SLC35D1: variants seen among roughly 807,000 people sequenced by gnomAD.
SLC35D1 encodes nucleotide sugar transporter SLC35D1.
SLC35D1 carries 31 observed loss-of-function variants against 46.7 expected under a neutral mutation model. The observed-to-expected ratio is 0.66, with a 90% CI of 0.50 to 0.90. The LOEUF (loss-of-function observed/expected upper bound fraction) is 0.90, where lower values mean the gene tolerates loss of function less well. SLC35D1 is among the 40% of genes least tolerant of loss of function. The probability of loss-of-function intolerance (pLI) is 0.00; values close to 1 mark genes in which losing one functional copy is unlikely to be tolerated. For synonymous variants in SLC35D1, 195 were observed against 164.6 expected (o/e 1.18, Z -1.41); for missense variants, 397 against 426.2 (o/e 0.93, Z 0.60).
At chr1:67,046,705 T>A (rs1425871721) in intron 7 of SLC35D1, among the ~76,000 whole-genome samples, 2 of 152,218 alleles carry the variant, frequency 1.3e-5, no homozygotes, top group Non-Finnish European at 2.9e-5. Flanking sequence ...TTTCTAATAA[T>A]CTGGCTTGAT....
chr1:67,035,805 CT>C (rs71058492), intron 8 of SLC35D1, among the ~76,000 whole-genome samples: 6,259 of 133,328 alleles, frequency 0.047, 181 homozygotes, highest in African/African-American at 0.098. Context: ...TGAAGTTTTT[CT>C]TTTTTTTTTT....
rs763302374 is a variant in SLC35D1 at position 67,050,521 on chromosome 1, T to A, written c.393-17A>T. On this transcript the variant is annotated splice_polypyrimidine_tract_variant and intron_variant, in intron 4 of 11. Transcript: ENST00000235345. Reference sequence around the variant, plus strand: ...ATTGGCAAGCTGGAAAAAAAAAAGATAATTAGGTAAAATAGAATTTAACAA... The same window carrying A: ...ATTGGCAAGCTGGAAAAAAAAAAGAAAATTAGGTAAAATAGAATTTAACAA... The A allele has an allele frequency of 2.5e-6, 4 of 1,589,876 alleles. No homozygotes were observed. In the African/African-American group the frequency reaches 4.0e-5, roughly 16 times the overall value.
the SLC35D1 span, chr1:66,986,632 A>C: frequency 1.7e-6 from 1 of 599,082 alleles, no homozygotes. Flanking sequence ...TTTTTTTCCC[A>C]AACAGTGTTA....
intron 8 of SLC35D1, among the ~76,000 whole-genome samples, chr1:67,038,385 A>G (rs1290103361): frequency 6.6e-6 from 1 of 152,200 alleles, no homozygotes; most frequent in African/African-American, 2.4e-5. Context: ...CATGTAATTT[A>G]GCCAGTGATA....
chr1:67,033,185 T>C (rs913575165), intron 8 of SLC35D1, among the ~76,000 whole-genome samples: 1 of 152,132 alleles, frequency 6.6e-6, no homozygotes, highest in African/African-American at 2.4e-5. Flanking sequence ...TGGTGAATAG[T>C]GCTACAAAAT....
chr1:66,985,136 A>G, the SLC35D1 span: 16 of 1,136,228 alleles, frequency 1.4e-5, no homozygotes, highest in South Asian at 1.8e-4. Flanking sequence ...AACTAAAGAT[A>G]TATCTCTACC....
chr1:66,986,777 T>G, the SLC35D1 span: 1 of 242,698 alleles, frequency 4.1e-6, no homozygotes, highest in Non-Finnish European at 7.9e-6. Context: ...TACTTAAAAC[T>G]TTTAATTTAT....
intron 7 of SLC35D1, among the ~76,000 whole-genome samples, chr1:67,044,948 C>T (rs1045730518): frequency 6.6e-6 from 1 of 152,152 alleles, no homozygotes; most frequent in Admixed American, 6.5e-5. Context: ...TACTGCCTTA[C>T]TGCCTCTGGG....
At chr1:66,976,618 A>G in the SLC35D1 span, 3 of 1,601,514 alleles carry the variant, frequency 1.9e-6, no homozygotes. Context: ...CAGTTGGTGA[A>G]TGTGTAGCAT....
rs369992545 is a variant in SLC35D1, at chr1:67,006,639, T to G, written c.960-2191A>C. Among the ~76,000 whole-genome samples, 13 of 152,298 alleles carry G rather than the reference T, an allele frequency of 8.5e-5. No individual in the cohort carries two copies. In the East Asian group the frequency reaches 2.1e-3, roughly 25 times the overall value. On this transcript the variant is annotated intron_variant, in intron 11 of 11. Transcript: ENST00000235345. Reference sequence around the variant, plus strand: ...AATGTCCTGTAATTTATTCCAGGCTTAGCCCTAATGATAATTCCAGACCCT... The same window carrying G: ...AATGTCCTGTAATTTATTCCAGGCTGAGCCCTAATGATAATTCCAGACCCT...
At position 67,053,802 on chromosome 1, in the gene SLC35D1, C is replaced by T; in HGVS notation, c.203+9G>A. ...TCCGCGGCCTGGGCCGCCGCCGCCT[C>T]GGCCCTACCTGTAATTGGTGAGCAC... On this transcript the variant is annotated intron_variant, in intron 1 of 11. Transcript: ENST00000235345. 6.3e-7 allele frequency: 1 copy of T among 1,586,390 alleles called. No individual in the cohort carries two copies.
intron 8 of SLC35D1, among the ~76,000 whole-genome samples, chr1:67,034,916 C>A (rs1438775041): frequency 6.6e-6 from 1 of 152,022 alleles, no homozygotes; most frequent in African/African-American, 2.4e-5. Context: ...ATCAATCAAT[C>A]GAAATGATCA....
intron 6 of SLC35D1, among the ~76,000 whole-genome samples, chr1:67,047,969 G>C (rs968220279): frequency 6.6e-6 from 1 of 152,090 alleles, no homozygotes; most frequent in Non-Finnish European, 1.5e-5. Context: ...CTGGAACTTA[G>C]AGTACCAGGC....
At chr1:67,049,874 T>A (rs924577559) in intron 5 of SLC35D1, 24 bp from the exon 6 acceptor site, 13 of 1,536,450 alleles carry the variant, frequency 8.5e-6, no homozygotes, top group Non-Finnish European at 1.2e-5. Flanking sequence ...AATTTTAAAA[T>A]ACACACATGA....
At chr1:67,018,120 T>C (rs1366540281) in intron 10 of SLC35D1, among the ~76,000 whole-genome samples, 1 of 152,206 alleles carries the variant, frequency 6.6e-6, no homozygotes, top group Non-Finnish European at 1.5e-5. Flanking sequence ...ATTTTTCTAA[T>C]AAAACGCCCT....
At chr1:66,983,970 C>T in the SLC35D1 span, among the ~76,000 whole-genome samples, 20 of 152,180 alleles carry the variant, frequency 1.3e-4, no homozygotes, top group African/African-American at 3.9e-4. Context: ...ATGATACACC[C>T]GCCTTGGCCT....
the SLC35D1 span, among the ~76,000 whole-genome samples, chr1:66,973,331 AT>A: frequency 6.6e-6 from 1 of 152,082 alleles, no homozygotes; most frequent in Admixed American, 6.5e-5. Context: ...CTTTGAAATG[AT>A]TTGGAAACTT....
intron 11 of SLC35D1, among the ~76,000 whole-genome samples, chr1:67,005,506 A>G (rs1428886690): frequency 6.6e-6 from 1 of 152,156 alleles, no homozygotes; most frequent in African/African-American, 2.4e-5. Flanking sequence ...CCCAAAATAA[A>G]GCCTTTTCCA....
At chr1:67,039,520 TGC>T (rs1553267651) in intron 8 of SLC35D1, among the ~76,000 whole-genome samples, 1 of 148,298 alleles carries the variant, frequency 6.7e-6, no homozygotes, top group Non-Finnish European at 1.5e-5. Flanking sequence ...TGTGTGTGTG[TGC>T]GCGCGTGGGG....
Sources: allele counts gnomAD v4.1 joint callset (sites outside exome capture counted in the v4.1 genomes callset), GRCh38; gene constraint gnomAD v4.1.1; transcripts MANE v1.5; gene names NCBI Gene and HGNC (gene_info 2026-07-23, HGNC 2026-07-21).